The following DZIP3 variants were observed in gnomAD, a reference collection of about 807,000 sequenced individuals.
DZIP3 encodes the protein E3 ubiquitin-protein ligase DZIP3.
A neutral mutation model predicts 162.0 loss-of-function variants in DZIP3; 118 were observed. The observed-to-expected ratio is 0.73, with a 90% confidence interval of 0.63 to 0.85. The LOEUF (loss-of-function observed/expected upper bound fraction) is 0.85. DZIP3 is among the 40% of genes least tolerant of loss of function. DZIP3 has a pLI of 0.00. For synonymous variants in DZIP3, 438 were observed against 458.6 expected (o/e 0.96, Z 0.57); for missense variants, 1,331 against 1,407.0 (o/e 0.95, Z 0.86).
At chr3:108,634,724 G>A (rs1942059208) in intron 9 of DZIP3, 147 bp from the exon 10 acceptor site, 1 of 424,210 alleles carries the variant, frequency 2.4e-6, no homozygotes, top group Non-Finnish European at 4.2e-6. Context: ...AAGTTATTTG[G>A]TGATCTCTGA....
intron 8 of DZIP3, among the ~76,000 whole-genome samples, chr3:108,631,053 A>T (rs7613128): frequency 0.33 from 9,708 of 29,574 alleles, 698 homozygotes; most frequent in Non-Finnish European, 0.36. Flanking sequence ...ACACACACAC[A>T]CACTCTCTCT....
intron 32 of DZIP3, chr3:108,691,341 C>T (rs2107447216): frequency 6.7e-6 from 1 of 150,366 alleles, no homozygotes; most frequent in East Asian, 2.0e-4. Flanking sequence ...TGTAACTAAC[C>T]TGCACATTGT....
chr3:108,644,212 T>C lies in DZIP3; in HGVS notation c.1190T>C (p.Leu397Pro). 3 of 1,611,060 alleles carry C rather than the reference T, an allele frequency of 1.9e-6. No individual in the cohort carries two copies. Reference sequence around the variant, plus strand: ...GATTATAATTATTTCTATCATCTGCTTCATATAATTATTATTTCTGGTACT... The same window carrying C: ...GATTATAATTATTTCTATCATCTGCCTCATATAATTATTATTTCTGGTACT... ...KLDYNYFYHL[L>P]HIIIISGTDI... The change falls in exon 14 of 33, where the codon CTT becomes CCT. Residue 397 changes from leucine to proline, a missense_variant. By Grantham distance (98) the Leu-to-Pro change is moderately conservative. Around this residue, in one of 2 missense-constraint regions of DZIP3, gnomAD observed 1,278 missense variants for 1,317.1 expected, o/e 0.97. Coordinates refer to ENST00000361582, the MANE Select transcript of DZIP3 (RefSeq NM_014648.4).
chr3:108,615,176 G>C (rs1940936388), intron 4 of DZIP3, among the ~76,000 whole-genome samples: 1 of 152,198 alleles, frequency 6.6e-6, no homozygotes, highest in Admixed American at 6.5e-5. Context: ...GCTCTCCAGA[G>C]ATTGCCTTTC....
intron 1 of DZIP3, among the ~76,000 whole-genome samples, chr3:108,604,215 G>A (rs774948541): frequency 3.3e-5 from 5 of 152,134 alleles, no homozygotes; most frequent in Non-Finnish European, 7.4e-5. Context: ...CCAATTACTG[G>A]ATAAATAAGC....
chr3:108,590,372 C>T (rs1939321396), intron 1 of DZIP3, among the ~76,000 whole-genome samples: 1 of 152,140 alleles, frequency 6.6e-6, no homozygotes, highest in African/African-American at 2.4e-5. Flanking sequence ...TGTTTTTTCA[C>T]TTCAAAAGAA....
In DZIP3 at chr3:108,617,090, G is replaced by A. The variant is rs116038919; in HGVS notation, c.375+433G>A. Among the ~76,000 whole-genome samples, 857 of 152,332 alleles carry A rather than the reference G, an allele frequency of 5.6e-3. 3 individuals are homozygous for A. The highest frequency in any genetic ancestry group is 0.014 in the South Asian group (68 of 4,830). ...AACTCACAGAAGCAGAGAGTACGAT[G>A]GTGGCTAGGGGTAAGGGGTCAGGAG... On this transcript the variant is annotated intron_variant, in intron 5 of 32. Transcript: ENST00000361582.
At chr3:108,631,055 A>ACACACACACACACTCTCTCTCT in intron 8 of DZIP3, among the ~76,000 whole-genome samples, 11 of 17,992 alleles carry the variant, frequency 6.1e-4, no homozygotes, top group South Asian at 2.4e-3. Flanking sequence ...ACACACACAC[A>ACACACACACACACTCTCTCTCT]CTCTCTCTCT....
Position 108,608,077 on chromosome 3 carries a change from C to T in DZIP3, c.33-12C>T. 1 of 1,606,180 alleles carries T rather than the reference C, an allele frequency of 6.2e-7. No homozygotes were observed. The highest frequency in any genetic ancestry group is 8.5e-7 in the Non-Finnish European group (1 of 1,174,100). On this transcript the variant is annotated splice_polypyrimidine_tract_variant and intron_variant, in intron 2 of 32. Transcript: ENST00000361582. ...AGATGCTCTTAATATACCTCATTTT[C>T]ATTTAAAATAGGCATCCTGCTGTGG...
At chr3:108,688,545 TG>T in intron 29 of DZIP3, 47 bp from the exon 30 acceptor site, 2 of 1,577,682 alleles carry the variant, frequency 1.3e-6, no homozygotes, top group Non-Finnish European at 8.6e-7. Flanking sequence ...CAGCTCTTAC[TG>T]TTTTAGGATA....
chr3:108,658,008 CA>C (rs1943221725), intron 19 of DZIP3, among the ~76,000 whole-genome samples: 1 of 151,990 alleles, frequency 6.6e-6, no homozygotes, highest in East Asian at 1.9e-4. Context: ...TAAAGACCTA[CA>C]AAGAGACTTA....
At chr3:108,651,655 C>T (rs1184846884) in intron 18 of DZIP3, among the ~76,000 whole-genome samples, 1 of 151,554 alleles carries the variant, frequency 6.6e-6, no homozygotes, top group Non-Finnish European at 1.5e-5. Flanking sequence ...TAAGACTTAA[C>T]CTGCATTTTT....
intron 2 of DZIP3, 74 bp downstream of exon 2, chr3:108,605,512 G>A: frequency 1.3e-6 from 2 of 1,493,548 alleles, no homozygotes; most frequent in East Asian, 2.3e-5. Context: ...ACGGATGGTG[G>A]GGGTGCGGGG....
At position 108,629,308 on chromosome 3, in the gene DZIP3, A is replaced by T. The variant is rs530385495; in HGVS notation, c.696+132A>T. On this transcript the variant is annotated intron_variant, in intron 8 of 32. Coordinates refer to ENST00000361582, the MANE Select transcript of DZIP3 (RefSeq NM_014648.4). ...TACAAGAAACAACCTTTATTGCATT[A>T]CCTAGTGCAGAACGTATGATTCAAC... 3.6e-5 allele frequency: 21 copies of T among 587,446 alleles called. No homozygotes were observed. In the South Asian group the frequency reaches 5.0e-4, roughly 14 times the overall value. The allele number at this position is 587,446 out of a possible 1,614,324, so 36.4% of individuals were successfully genotyped here.
chr3:108,594,646 T>C (rs1465844098), intron 1 of DZIP3, among the ~76,000 whole-genome samples: 1 of 151,976 alleles, frequency 6.6e-6, no homozygotes, highest in African/African-American at 2.4e-5. Flanking sequence ...TGTATGTGTC[T>C]ATGTGTTCTT....
At chr3:108,593,246 A>G (rs931933995) in intron 1 of DZIP3, among the ~76,000 whole-genome samples, 3 of 152,174 alleles carry the variant, frequency 2.0e-5, no homozygotes, top group Non-Finnish European at 4.4e-5. Flanking sequence ...CTTTCTACTT[A>G]CCTATCTAAT....
intron 19 of DZIP3, among the ~76,000 whole-genome samples, chr3:108,661,077 C>T (rs1405945273): frequency 1.3e-5 from 2 of 152,150 alleles, no homozygotes; most frequent in African/African-American, 2.4e-5. Context: ...GTCCATGTGG[C>T]GATTCCTCAG....
Position 108,616,794 on chromosome 3 carries a change from A to G in DZIP3, c.375+137A>G, listed in dbSNP as rs560082096. On this transcript the variant is annotated intron_variant, in intron 5 of 32. Coordinates refer to ENST00000361582, the MANE Select transcript of DZIP3 (RefSeq NM_014648.4). ...CTTTTACCTCTAGAAAAGGGTATGTATAAATTGATTGCCTTCCTGTGTCTT... is the reference window on the plus strand; with the variant it reads ...CTTTTACCTCTAGAAAAGGGTATGTGTAAATTGATTGCCTTCCTGTGTCTT... 5 of 595,628 alleles carry G rather than the reference A, an allele frequency of 8.4e-6. No individual in the cohort carries two copies. In the Admixed American group the frequency reaches 9.8e-5, roughly 12 times the overall value. 36.9% of individuals were successfully genotyped at this position (595,628 alleles called of 1,614,324 possible).
rs907057221 is a variant in DZIP3 at position 108,672,672 on chromosome 3, G to T, written c.2589+16G>T. On this transcript the variant is annotated intron_variant, in intron 23 of 32. Transcript: ENST00000361582. ...AACAGCCGAGGTAACAACAAAACGG[G>T]GACAGGGGTATGGGGTGAGGGGAAA... 2 of 1,605,232 alleles carry T rather than the reference G, an allele frequency of 1.2e-6. No homozygotes were observed. Among genetic ancestry groups the T allele is most frequent in the Non-Finnish European group, 1.7e-6 (2 of 1,173,562 alleles).
Sources: allele counts gnomAD v4.1 joint callset (sites outside exome capture counted in the v4.1 genomes callset), GRCh38; gene constraint gnomAD v4.1.1; regional missense constraint gnomAD v4.1.1; transcripts MANE v1.5; gene names NCBI Gene and HGNC (gene_info 2026-07-23, HGNC 2026-07-21).